TNR: variants seen among roughly 807,000 people sequenced by gnomAD.
TNR encodes the protein tenascin-R.
TNR carries 45 observed loss-of-function variants against 150.4 expected under a neutral mutation model. That is an observed-to-expected ratio of 0.30 (90% CI 0.24 to 0.38). TNR has a LOEUF of 0.38. Among genes scored for constraint, TNR ranks in the 10% least tolerant of loss-of-function variants. The pLI is 1.00. For synonymous variants in TNR, 687 were observed against 678.4 expected (o/e 1.01, Z -0.20); for missense variants, 1,544 against 1,759.1 (o/e 0.88, Z 2.19).
At chr1:175,656,141 AGTGTGTGTGTGTGTGTGTGTGTGT>A (rs575020723) in intron 1 of TNR, among the ~76,000 whole-genome samples, 85 of 123,936 alleles carry the variant, frequency 6.9e-4, no homozygotes, top group Non-Finnish European at 1.2e-3. Flanking sequence ...GGAAGGTTGA[AGTGTGTGTGTGTGTGTGTGTGTGT>A]GTGTGTGTGT....
intron 1 of TNR, among the ~76,000 whole-genome samples, chr1:175,740,963 A>G: frequency 6.6e-6 from 1 of 152,218 alleles, no homozygotes; most frequent in African/African-American, 2.4e-5. Flanking sequence ...TTCAGCCTAG[A>G]TGCCACCAGC....
intron 1 of TNR, among the ~76,000 whole-genome samples, chr1:175,569,109 T>C (rs1661762465): frequency 1.3e-5 from 2 of 152,166 alleles, no homozygotes; most frequent in Admixed American, 6.5e-5. Context: ...GCCGATAAGT[T>C]AACCCTCTAG....
intron 2 of TNR, among the ~76,000 whole-genome samples, chr1:175,518,716 C>T (rs978913457): frequency 1.3e-5 from 2 of 152,154 alleles, no homozygotes; most frequent in African/African-American, 4.8e-5. Context: ...CTTTTAGCAT[C>T]ATCTACATTA....
chr1:175,739,556 T>C (rs1185019125), intron 1 of TNR, among the ~76,000 whole-genome samples: 1 of 152,114 alleles, frequency 6.6e-6, no homozygotes, highest in Non-Finnish European at 1.5e-5. Flanking sequence ...CCAAACCTTC[T>C]GATAACTCCG....
intron 1 of TNR, among the ~76,000 whole-genome samples, chr1:175,682,644 G>T (rs1666069505): frequency 6.6e-6 from 1 of 152,170 alleles, no homozygotes; most frequent in African/African-American, 2.4e-5. Context: ...TGATGGAGAG[G>T]ACTAGCCTTC....
At chr1:175,482,293 G>GTTT (rs1657844826) in intron 2 of TNR, among the ~76,000 whole-genome samples, 1 of 152,178 alleles carries the variant, frequency 6.6e-6, no homozygotes. Flanking sequence ...ATGGATACAG[G>GTTT]AAAGTGAAAA....
At chr1:175,693,906 A>G (rs77220909) in intron 1 of TNR, among the ~76,000 whole-genome samples, 4,242 of 152,336 alleles carry the variant, frequency 0.028, 194 homozygotes, top group African/African-American at 0.096. Context: ...TAACTTATTC[A>G]TGTATATAAA....
intron 1 of TNR, among the ~76,000 whole-genome samples, chr1:175,611,787 GTCT>G (rs1322440872): frequency 6.6e-6 from 1 of 152,158 alleles, no homozygotes; most frequent in Non-Finnish European, 1.5e-5. Flanking sequence ...CAGACGCATA[GTCT>G]CTACCATCAA....
At chr1:175,602,203 CAAAAAAAAAAAA>C (rs57341654) in intron 1 of TNR, among the ~76,000 whole-genome samples, 125 of 30,568 alleles carry the variant, frequency 4.1e-3, no homozygotes, top group African/African-American at 9.7e-3. Flanking sequence ...GGACCAAAGG[CAAAAAAAAAAAA>C]AAAAAAAAAA....
At chr1:175,397,847 GT>G (rs1221634270) in intron 4 of TNR, among the ~76,000 whole-genome samples, 2 of 152,220 alleles carry the variant, frequency 1.3e-5, no homozygotes, top group South Asian at 2.1e-4. Flanking sequence ...ATTCACCAGT[GT>G]TGTGGCCATT....
At chr1:175,619,751 G>A (rs985039516) in intron 1 of TNR, among the ~76,000 whole-genome samples, 5 of 152,200 alleles carry the variant, frequency 3.3e-5, no homozygotes, top group African/African-American at 1.2e-4. Context: ...CCCAGGTCAT[G>A]ATGCTCAGGA....
At chr1:175,736,242 C>T (rs1271189562) in intron 1 of TNR, among the ~76,000 whole-genome samples, 2 of 152,210 alleles carry the variant, frequency 1.3e-5, no homozygotes, top group Non-Finnish European at 1.5e-5. Flanking sequence ...ATGTGGTGGG[C>T]CGGGCGTGGT....
In TNR at chr1:175,589,854, G is replaced by A. The variant is rs141819757; in HGVS notation, c.-164-61485C>T. 2.2e-3 allele frequency among the ~76,000 whole-genome samples: 339 copies of A among 152,312 alleles called. 2 individuals are homozygous for A. Among genetic ancestry groups the A allele is most frequent in the African/African-American group, 7.3e-3 (304 of 41,566 alleles). Reference sequence around the variant, plus strand: ...ACACACCGGGGCCTGTCAGGGGGTTGGGGGCTAGGGGAGGGATAGCGTTAG... The same window carrying A: ...ACACACCGGGGCCTGTCAGGGGGTTAGGGGCTAGGGGAGGGATAGCGTTAG... On this transcript the variant is annotated intron_variant, in intron 1 of 22. Coordinates refer to ENST00000367674, the MANE Select transcript of TNR (RefSeq NM_003285.3).
chr1:175,620,174 C>T (rs901657545), intron 1 of TNR, among the ~76,000 whole-genome samples: 14 of 152,204 alleles, frequency 9.2e-5, no homozygotes, highest in Non-Finnish European at 4.4e-5. Context: ...TGGCACAGAA[C>T]TCTTTCTCCC....
intron 1 of TNR, among the ~76,000 whole-genome samples, chr1:175,668,359 T>C (rs17377672): frequency 0.09 from 13,623 of 152,160 alleles, 691 homozygotes; most frequent in East Asian, 0.18. Context: ...GAGAGGTGTC[T>C]AAGTGTCATC....
At chr1:175,326,771 G>T (rs934327260) in intron 21 of TNR, among the ~76,000 whole-genome samples, 6 of 152,046 alleles carry the variant, frequency 3.9e-5, no homozygotes, top group African/African-American at 1.4e-4. Flanking sequence ...AGGTTCAAGC[G>T]ATTCTCCTGC....
intron 1 of TNR, among the ~76,000 whole-genome samples, chr1:175,652,441 A>T (rs569628260): frequency 4.6e-5 from 7 of 151,530 alleles, no homozygotes; most frequent in South Asian, 4.2e-4. Context: ...ATCTGTATTT[A>T]AAAAAAAATC....
chr1:175,337,449 T>C (rs1650302848), intron 19 of TNR, 79 bp downstream of exon 19: 1 of 1,558,194 alleles, frequency 6.4e-7, no homozygotes, highest in South Asian at 1.2e-5. Context: ...GATGGTGAAG[T>C]TGGCTTGGCA....
chr1:175,528,252 A>G lies in TNR; in HGVS notation c.-64+17T>C, dbSNP rs1659927234. On this transcript the variant is annotated intron_variant, in intron 2 of 22. Transcript: ENST00000367674. ...GGCCATGGGAATGATGAATGATCAA[A>G]TGTTCACAGGAAATACCTTTTGTGA... The G allele has an allele frequency of 6.6e-6, 1 of 152,222 alleles. No individual in the cohort carries two copies. The highest frequency in any genetic ancestry group is 1.5e-5 in the Non-Finnish European group (1 of 68,038). 9.4% of individuals were successfully genotyped at this position (152,222 alleles called of 1,614,324 possible). A position where few individuals can be genotyped will look rare whatever the true frequency, so the allele number is the denominator to read the frequency against.
Sources: gnomAD v4.1 joint callset for allele counts (sites outside exome capture counted in the v4.1 genomes callset) on GRCh38, gnomAD v4.1.1 for gene constraint, MANE v1.5 for transcripts, NCBI Gene and HGNC (gene_info 2026-07-23, HGNC 2026-07-21) for gene names.